Variants in GRID2 observed in about 807,000 individuals in gnomAD.
The protein encoded by GRID2 is glutamate receptor ionotropic, delta-2.
GRID2 carries 33 observed loss-of-function variants against 114.8 expected under a neutral mutation model. That is an observed-to-expected ratio of 0.29 (90% CI 0.22 to 0.38). The LOEUF is 0.38. Ranked by LOEUF, GRID2 falls within the 10% of genes least tolerant of loss-of-function variation. The pLI, the probability that GRID2 is intolerant of heterozygous loss-of-function variation, is 1.00. For synonymous variants in GRID2, 505 were observed against 449.9 expected, an observed-to-expected ratio of 1.12 and a Z score of -1.55; for missense variants, 1,184 against 1,257.7, an observed-to-expected ratio of 0.94 and a Z score of 0.89.
At position 92,803,219 on chromosome 4, in the gene GRID2, T is replaced by G. The variant is rs1461691254; in HGVS notation, c.244+212933T>G. Among the ~76,000 whole-genome samples the G allele has an allele frequency of 2.6e-5, 4 of 152,074 alleles. No homozygotes were observed. The East Asian group carries it at 7.8e-4, about 30-fold the overall frequency. On this transcript the variant is annotated intron_variant, in intron 2 of 15. Transcript: ENST00000282020. ...TGGTAGCCATTAACCAAAGCTGGCA[T>G]TCTATTTCCATTTTCACAGTGAGAC...
chr4:92,414,124 G>A (rs999874997), intron 1 of GRID2, among the ~76,000 whole-genome samples: 1 of 152,170 alleles, frequency 6.6e-6, no homozygotes, highest in African/African-American at 2.4e-5. Context: ...TTGTAGACTG[G>A]AAATGATTAG....
chr4:92,325,905 T>C (rs1302534726), intron 1 of GRID2, among the ~76,000 whole-genome samples: 1 of 151,866 alleles, frequency 6.6e-6, no homozygotes, highest in Non-Finnish European at 1.5e-5. Context: ...TCTTTTAACT[T>C]TATTTAAACA....
chr4:93,260,033 G>A (rs180801481), intron 8 of GRID2, among the ~76,000 whole-genome samples: 5 of 151,788 alleles, frequency 3.3e-5, no homozygotes, highest in Admixed American at 6.6e-5. Flanking sequence ...ATTTTACGTA[G>A]GAGGTATGTA....
chr4:93,524,021 A>G (rs2149502376), intron 13 of GRID2, among the ~76,000 whole-genome samples: 1 of 152,250 alleles, frequency 6.6e-6, no homozygotes, highest in African/African-American at 2.4e-5. Flanking sequence ...AAAATGCCAA[A>G]GTAGATGACA....
chr4:93,596,753 A>T (rs967013349), intron 13 of GRID2, among the ~76,000 whole-genome samples: 5 of 152,184 alleles, frequency 3.3e-5, no homozygotes, highest in Admixed American at 3.3e-4. Context: ...TCAGTTGGAT[A>T]TTACTTGTGA....
chr4:93,585,854 C>T (rs1332065389), intron 13 of GRID2, among the ~76,000 whole-genome samples: 1 of 152,032 alleles, frequency 6.6e-6, no homozygotes, highest in African/African-American at 2.4e-5. Context: ...TTTGAAGACT[C>T]TCTTGTACAT....
chr4:93,125,326 C>T (rs1734165754), intron 4 of GRID2, among the ~76,000 whole-genome samples: 2 of 151,820 alleles, frequency 1.3e-5, no homozygotes, highest in African/African-American at 2.4e-5. Flanking sequence ...TACATTTATA[C>T]ACAAATAAAT....
chr4:93,800,363 G>C lies in GRID2; in HGVS notation c.222-6352G>C, dbSNP rs112250926. Among the ~76,000 whole-genome samples the C allele has an allele frequency of 1.3e-4, 20 of 152,320 alleles. 1 individual carries two copies. The highest frequency in any genetic ancestry group is 4.6e-4 in the African/African-American group (19 of 41,578). On this transcript the variant is annotated intron_variant, in intron 1 of 1. Coordinates refer to the GRID2 transcript ENST00000637838. ...GCAGCCACTGCCATAAAGCTGAAAAGTGTTGCAATGTCTGACACGTATCTT... is the reference window on the plus strand; with the variant it reads ...GCAGCCACTGCCATAAAGCTGAAAACTGTTGCAATGTCTGACACGTATCTT...
intron 10 of GRID2, among the ~76,000 whole-genome samples, chr4:93,452,929 T>A (rs1722825555): frequency 6.6e-6 from 1 of 151,814 alleles, no homozygotes; most frequent in Non-Finnish European, 1.5e-5. Flanking sequence ...AGGGTACATG[T>A]GCACAATGTG....
At chr4:92,708,054 G>C (rs1236780990) in intron 2 of GRID2, among the ~76,000 whole-genome samples, 1 of 152,100 alleles carries the variant, frequency 6.6e-6, no homozygotes, top group Non-Finnish European at 1.5e-5. Flanking sequence ...AGAAGGCTAT[G>C]GAAGTAAAAC....
chr4:93,042,339 C>T (rs1470487235), intron 2 of GRID2, among the ~76,000 whole-genome samples: 1 of 141,196 alleles, frequency 7.1e-6, no homozygotes, highest in Non-Finnish European at 1.5e-5. Flanking sequence ...AACAAACCTG[C>T]ACATTCTGCA....
At chr4:93,447,245 C>T (rs1722175244) in intron 10 of GRID2, among the ~76,000 whole-genome samples, 1 of 151,900 alleles carries the variant, frequency 6.6e-6, no homozygotes, top group Admixed American at 6.6e-5. Flanking sequence ...CATCTTTAAA[C>T]TCTACTTAAT....
At chr4:93,089,484 G>T (rs538702550) in intron 3 of GRID2, among the ~76,000 whole-genome samples, 1 of 152,162 alleles carries the variant, frequency 6.6e-6, no homozygotes, top group South Asian at 2.1e-4. Context: ...TTTTTTTGTC[G>T]GATTAATGCT....
At chr4:92,717,294 C>T (rs936581266) in intron 2 of GRID2, among the ~76,000 whole-genome samples, 1 of 152,122 alleles carries the variant, frequency 6.6e-6, no homozygotes, top group Non-Finnish European at 1.5e-5. Flanking sequence ...CTTCATGCTC[C>T]CAAGGGCCAC....
chr4:93,645,083 A>G (rs1270578729), intron 14 of GRID2, among the ~76,000 whole-genome samples: 1 of 152,192 alleles, frequency 6.6e-6, no homozygotes, highest in Non-Finnish European at 1.5e-5. Context: ...TCATGAATGA[A>G]TGACCCAGGC....
intron 1 of GRID2, among the ~76,000 whole-genome samples, chr4:92,493,287 C>G (rs1381709834): frequency 1.3e-5 from 2 of 152,150 alleles, no homozygotes; most frequent in Non-Finnish European, 2.9e-5. Flanking sequence ...ACTCCCGACT[C>G]TACAAATTCC....
rs1381034882 is a variant in GRID2, at chr4:93,690,884, ATAT to A, written c.2360+64453_2360+64455del. 1.1e-4 allele frequency among the ~76,000 whole-genome samples: 16 copies of A among 148,204 alleles called. 1 individual carries two copies. Among genetic ancestry groups the A allele is most frequent in the South Asian group, 1.1e-3 (5 of 4,760 alleles). On this transcript the variant is annotated intron_variant, in intron 14 of 15. Coordinates refer to ENST00000282020, the MANE Select transcript of GRID2 (RefSeq NM_001510.4). ...TAATATGTTATAACATTTTTATGTAATATTATAACACTTTATGTTATGTAGCTT... is the reference window on the plus strand; with the variant it reads ...TAATATGTTATAACATTTTTATGTAATATAACACTTTATGTTATGTAGCTT...
At chr4:92,398,375 A>C (rs1730611939) in intron 1 of GRID2, among the ~76,000 whole-genome samples, 1 of 152,134 alleles carries the variant, frequency 6.6e-6, no homozygotes, top group Admixed American at 6.6e-5. Context: ...ATCACGGCTC[A>C]TTGCAGCCTT....
At chr4:92,946,180 C>T (rs745715460) in intron 2 of GRID2, among the ~76,000 whole-genome samples, 39 of 151,996 alleles carry the variant, frequency 2.6e-4, no homozygotes, top group Non-Finnish European at 4.6e-4. Context: ...TTTGGATATG[C>T]GAATGGATTC....
Sources: allele counts gnomAD v4.1 joint callset (sites outside exome capture counted in the v4.1 genomes callset), GRCh38; gene constraint gnomAD v4.1.1; transcripts MANE v1.5; gene names NCBI Gene and HGNC (gene_info 2026-07-23, HGNC 2026-07-21).